ABCB11: variants seen among roughly 807,000 people sequenced by gnomAD.
ABCB11 encodes ATP binding cassette subfamily B member 11.
In ABCB11, 95 loss-of-function variants were observed where a neutral mutation model predicts 148.0. That is an observed-to-expected ratio of 0.64 (90% CI 0.54 to 0.76). The LOEUF is 0.76. Among genes scored for constraint, ABCB11 ranks in the 30% least tolerant of loss-of-function variants. ABCB11 has a pLI of 0.00. For missense variants in ABCB11, 1,523 were observed against 1,617.8 expected (o/e 0.94, Z 1.01); for synonymous variants, 591 against 555.4 (o/e 1.06, Z -0.90).
Position 168,986,163 on chromosome 2 carries a change from C to CG in ABCB11, c.1029dup (p.Gly344ArgfsTer8). 4.3e-6 allele frequency: 7 copies of CG among 1,612,922 alleles called. No homozygotes were observed. Among genetic ancestry groups the CG allele is most frequent in the African/African-American group, 1.3e-5 (1 of 74,948 alleles). On this transcript the variant is annotated frameshift_variant, in exon 10 of 28. Transcript: ENST00000650372. LOFTEE classifies it high-confidence loss of function. Reference sequence around the variant, plus strand: ...CCTTCATCCAGGACAAGTGTGGAGCCGTACCAGAAGGCCAGTGCATAACAC... The same window carrying CG: ...CCTTCATCCAGGACAAGTGTGGAGCCGGTACCAGAAGGCCAGTGCATAACAC...
intron 21 of ABCB11, among the ~76,000 whole-genome samples, chr2:168,936,699 C>T (rs1691845394): frequency 6.6e-6 from 1 of 152,080 alleles, no homozygotes. Context: ...CTCTCTCCCC[C>T]AAGCTCTTGG....
intron 9 of ABCB11, among the ~76,000 whole-genome samples, chr2:168,986,964 T>C (rs1694347133): frequency 6.6e-6 from 1 of 152,156 alleles, no homozygotes; most frequent in South Asian, 2.1e-4. Flanking sequence ...ACTTTTAACC[T>C]TTTGCAGGAC....
chr2:168,946,422 A>C (rs1324063242), intron 19 of ABCB11, among the ~76,000 whole-genome samples: 2 of 151,860 alleles, frequency 1.3e-5, no homozygotes, highest in African/African-American at 2.4e-5. Flanking sequence ...AGTGAGTAGG[A>C]GGGGTTCTAA....
At chr2:168,938,460 A>C (rs1252441495) in intron 21 of ABCB11, among the ~76,000 whole-genome samples, 1 of 152,202 alleles carries the variant, frequency 6.6e-6, no homozygotes, top group Non-Finnish European at 1.5e-5. Flanking sequence ...GATGAGGTAC[A>C]TAGAGTAGTC....
At chr2:169,016,938 C>G (rs189290731) in intron 2 of ABCB11, 139 bp from the exon 3 acceptor site, 49 of 614,710 alleles carry the variant, frequency 8.0e-5, no homozygotes, top group Non-Finnish European at 1.3e-4. Context: ...GACTATTTGC[C>G]TTTTCTTTCT....
rs777657345 is a variant in ABCB11, at chr2:168,932,419, T to C, written c.3171A>G (p.Arg1057=). ...TATTGTATACACTGATTGGGGGTTG[T>C]CGGTCCAGCAGTTGAAAAAAGCGTG... The part of the protein sequence containing the change: ...SAARFFQLLD[R]QPPISVYNTA... The change falls in exon 24 of 28, where the codon CGA becomes CGG. Residue 1057 remains arginine (R), a synonymous_variant. Transcript: ENST00000650372. 2 of 1,588,376 alleles carry C rather than the reference T, an allele frequency of 1.3e-6. No homozygotes were observed. The highest frequency in any genetic ancestry group is 3.6e-5 in the Admixed American group (2 of 55,734).
chr2:169,030,450 T>A (rs1242934846), intron 1 of ABCB11, among the ~76,000 whole-genome samples: 1 of 152,200 alleles, frequency 6.6e-6, no homozygotes, highest in Non-Finnish European at 1.5e-5. Context: ...TTCAAATGTT[T>A]AATAAAAACC....
rs1239937610 is a variant in ABCB11, at chr2:168,964,303, G to A, written c.2081C>T (p.Ser694Phe). ...RGSYQDSLRA[S>F]IRQRSKSQLS... Reference sequence around the variant, plus strand: ...CTGAGACTTGGAGCGTTGCCGGATGGAAGCCCTGTAAATAAACAGAAAGAT... The same window carrying A: ...CTGAGACTTGGAGCGTTGCCGGATGAAAGCCCTGTAAATAAACAGAAAGAT... The change falls in exon 18 of 28, where the codon TCC becomes TTC. Residue 694 changes from serine to phenylalanine, a missense_variant. Transcript: ENST00000650372. The A allele has an allele frequency of 2.6e-6, 4 of 1,560,682 alleles. No homozygotes were observed. Among genetic ancestry groups the A allele is most frequent in the Non-Finnish European group, 3.5e-6 (4 of 1,150,792 alleles).
At chr2:169,004,935 C>A (rs1694976709) in intron 5 of ABCB11, among the ~76,000 whole-genome samples, 1 of 152,072 alleles carries the variant, frequency 6.6e-6, no homozygotes, top group Non-Finnish European at 1.5e-5. Flanking sequence ...GGTCTAGCCA[C>A]CCAGCAAAGT....
chr2:168,990,090 G>A (rs751444306), intron 9 of ABCB11, among the ~76,000 whole-genome samples: 1 of 151,962 alleles, frequency 6.6e-6, no homozygotes, highest in African/African-American at 2.4e-5. Context: ...TCCTTTTCTG[G>A]CTTTGGTATC....
At chr2:169,019,617 A>G (rs1695480079) in intron 1 of ABCB11, among the ~76,000 whole-genome samples, 1 of 152,194 alleles carries the variant, frequency 6.6e-6, no homozygotes, top group South Asian at 2.1e-4. Context: ...AGATTGGTTG[A>G]AAACAATCCC....
At chr2:168,967,214 C>G (rs1415685821) in intron 17 of ABCB11, among the ~76,000 whole-genome samples, 1 of 151,850 alleles carries the variant, frequency 6.6e-6, no homozygotes, top group African/African-American at 2.4e-5. Context: ...AAACTTACTA[C>G]CAGGTGCCTA....
At chr2:168,956,575 A>C (rs771017590) in intron 19 of ABCB11, among the ~76,000 whole-genome samples, 1 of 151,518 alleles carries the variant, frequency 6.6e-6, no homozygotes, top group Non-Finnish European at 1.5e-5. Context: ...ACTCAGTCTC[A>C]ACAGTAGACC....
chr2:168,929,213 G>C (rs994286397), intron 25 of ABCB11, among the ~76,000 whole-genome samples: 3 of 152,002 alleles, frequency 2.0e-5, no homozygotes, highest in Non-Finnish European at 4.4e-5. Flanking sequence ...CAACAAAAGG[G>C]GGTAAAAACT....
intron 11 of ABCB11, among the ~76,000 whole-genome samples, chr2:168,978,944 T>C (rs1383745607): frequency 2.0e-5 from 3 of 152,004 alleles, no homozygotes; most frequent in Admixed American, 1.3e-4. Flanking sequence ...GGTCTTGAAC[T>C]CCTGGGCTCA....
At chr2:168,999,935 G>A (rs1694822565) in intron 5 of ABCB11, among the ~76,000 whole-genome samples, 1 of 151,992 alleles carries the variant, frequency 6.6e-6, no homozygotes, top group Non-Finnish European at 1.5e-5. Flanking sequence ...GGTTTGAATG[G>A]CATGAGTGAT....
chr2:168,929,281 A>G (rs998201588), intron 25 of ABCB11, among the ~76,000 whole-genome samples: 21 of 152,212 alleles, frequency 1.4e-4, no homozygotes, highest in African/African-American at 5.1e-4. Context: ...GAAATATCAC[A>G]GGGAACTCAC....
At chr2:168,975,765 TA>T (rs1693870225) in intron 12 of ABCB11, among the ~76,000 whole-genome samples, 1 of 146,578 alleles carries the variant, frequency 6.8e-6, no homozygotes, top group South Asian at 2.1e-4. Context: ...ATCATATATA[TA>T]TCACAGATAT....
Position 168,927,248 on chromosome 2 carries a change from A to G in ABCB11, c.3526T>C (p.Tyr1176His). 6.2e-7 allele frequency: 1 copy of G among 1,613,812 alleles called. No individual in the cohort carries two copies. Among genetic ancestry groups the G allele is most frequent in the Non-Finnish European group, 8.5e-7 (1 of 1,179,790 alleles). ...FACSIMDNIK[Y>H]GDNTKEIPME... Reference sequence around the variant, plus strand: ...GGAATTTCTTTGGTGTTGTCTCCATACTTGATATTGTCCATTATGCTACAG... The same window carrying G: ...GGAATTTCTTTGGTGTTGTCTCCATGCTTGATATTGTCCATTATGCTACAG... Residue 1176 changes from tyrosine (Y) to histidine (H), a missense_variant, in exon 26 of 28, where the codon TAT (tyrosine) becomes CAT (histidine). Physicochemically the swap from Tyr to His is moderately conservative, Grantham distance 83. Transcript: ENST00000650372.
Sources: gnomAD v4.1 joint callset for allele counts (sites outside exome capture counted in the v4.1 genomes callset) on GRCh38, gnomAD v4.1.1 for gene constraint, MANE v1.5 for transcripts, NCBI Gene and HGNC (gene_info 2026-07-23, HGNC 2026-07-21) for gene names.